The following EFCAB6 variants were observed in gnomAD, a reference collection of about 807,000 sequenced individuals.
The protein encoded by EFCAB6 is EF-hand calcium binding domain 6, also known as EF-hand calcium-binding domain-containing protein 6.
EFCAB6 carries 156 observed loss-of-function variants against 169.8 expected under a neutral mutation model. The ratio of observed to expected loss-of-function variants is 0.92; its 90% confidence interval spans 0.81 to 1.05. The LOEUF (loss-of-function observed/expected upper bound fraction) is 1.05, where lower values mean the gene tolerates loss of function less well. EFCAB6 is among the 50% of genes least tolerant of loss of function. The pLI, the probability that EFCAB6 is intolerant of heterozygous loss-of-function variation, is 0.00. For missense variants in EFCAB6, 1,800 were observed against 1,829.1 expected, an observed-to-expected ratio of 0.98 and a Z score of 0.29; for synonymous variants, 698 against 676.4, an observed-to-expected ratio of 1.03 and a Z score of -0.50.
At chr22:43,668,802 A>T in intron 16 of EFCAB6, 70 bp downstream of exon 16, 1 of 1,319,084 alleles carries the variant, frequency 7.6e-7, no homozygotes. Context: ...GTTGACAAAT[A>T]GTTACTAAAT....
At chr22:43,603,489 G>T (rs2052681049) in intron 22 of EFCAB6, among the ~76,000 whole-genome samples, 1 of 152,258 alleles carries the variant, frequency 6.6e-6, no homozygotes, top group African/African-American at 2.4e-5. Flanking sequence ...GACACAATCA[G>T]ATTACTCTAC....
intron 2 of EFCAB6, among the ~76,000 whole-genome samples, chr22:43,788,620 A>G (rs905885821): frequency 1.3e-5 from 2 of 152,338 alleles, no homozygotes; most frequent in African/African-American, 4.8e-5. Flanking sequence ...GAATTCTCAT[A>G]TTACTGGTGA....
chr22:43,732,512 G>A lies in EFCAB6; in HGVS notation c.645-701C>T, dbSNP rs546068307. On this transcript the variant is annotated intron_variant, in intron 7 of 31. Transcript: ENST00000262726. Reference sequence around the variant, plus strand: ...AGGCAGAATCTCGCTCTGTTGCCCAGGCTAGAGTGTGGTGCTGCAATCTCA... The same window carrying A: ...AGGCAGAATCTCGCTCTGTTGCCCAAGCTAGAGTGTGGTGCTGCAATCTCA... Among the ~76,000 whole-genome samples, 11 of 137,392 alleles carry A rather than the reference G, an allele frequency of 8.0e-5. No individual in the cohort carries two copies. The East Asian group carries it at 1.9e-3, about 24-fold the overall frequency. The allele number at this position is 137,392 out of a possible 152,430, so 90.1% of individuals were successfully genotyped here. A position where few individuals can be genotyped will look rare whatever the true frequency, so the allele number is the denominator to read the frequency against.
At position 43,628,115 on chromosome 22, in the gene EFCAB6, G is replaced by A. The variant is rs753359270; in HGVS notation, c.2233-1436C>T. On this transcript the variant is annotated intron_variant, in intron 19 of 31. Coordinates refer to ENST00000262726, the MANE Select transcript of EFCAB6 (RefSeq NM_022785.4). This position sits in a 1 kb window ranked among gnomAD's most constrained non-coding sequence, Gnocchi z 4.8. ...GACCCACAGCCTCACATCTCCAGTG[G>A]TCTGGGGGCATTTTCTCTGGGATGT... Among the ~76,000 whole-genome samples the A allele has an allele frequency of 6.6e-6, 1 of 151,920 alleles. No individual in the cohort carries two copies. Among genetic ancestry groups the A allele is most frequent in the Non-Finnish European group, 1.5e-5 (1 of 67,982 alleles).
chr22:43,736,827 A>T (rs928303825), intron 6 of EFCAB6, among the ~76,000 whole-genome samples: 2 of 151,934 alleles, frequency 1.3e-5, no homozygotes, highest in African/African-American at 4.8e-5. Flanking sequence ...CACACTCCAC[A>T]CCTTGTTATT....
intron 13 of EFCAB6, among the ~76,000 whole-genome samples, chr22:43,677,007 T>C (rs1603163450): frequency 6.6e-6 from 1 of 152,188 alleles, no homozygotes; most frequent in African/African-American, 2.4e-5. Flanking sequence ...TTTTGATTCA[T>C]AGGGATGCCA....
Position 43,684,390 on chromosome 22 carries a change from G to A in EFCAB6, c.1143-535C>T, listed in dbSNP as rs561647528. On this transcript the variant is annotated intron_variant, in intron 11 of 31. Transcript: ENST00000262726. ...TCTTTCATCCCTGAGCTCGGGGCCC[G>A]TCAGTGTACATGTGTGCTCCTGAAG... Among the ~76,000 whole-genome samples the A allele has an allele frequency of 9.9e-5, 15 of 152,112 alleles. 2 individuals are homozygous for A. The highest frequency in any genetic ancestry group is 6.5e-4 in the Admixed American group (10 of 15,280).
intron 10 of EFCAB6, among the ~76,000 whole-genome samples, chr22:43,704,079 C>G (rs925161939): frequency 6.6e-6 from 1 of 151,858 alleles, no homozygotes; most frequent in African/African-American, 2.4e-5. Context: ...AATAATCAAA[C>G]TATCAAAAAT....
intron 1 of EFCAB6, among the ~76,000 whole-genome samples, 167 bp from the exon 2 acceptor site, chr22:43,809,298 T>C (rs2063024597): frequency 6.6e-6 from 1 of 152,256 alleles, no homozygotes; most frequent in East Asian, 1.9e-4. Context: ...CCCAACTTTA[T>C]TAACCGTTAT....
At chr22:43,593,642 A>C (rs2051741150) in intron 23 of EFCAB6, among the ~76,000 whole-genome samples, 1 of 152,198 alleles carries the variant, frequency 6.6e-6, no homozygotes, top group Non-Finnish European at 1.5e-5. Flanking sequence ...GTGTGTTCGA[A>C]CTGCTCTTCT....
At chr22:43,738,309 GTCAC>G (rs1345364525) in intron 6 of EFCAB6, among the ~76,000 whole-genome samples, 4 of 137,202 alleles carry the variant, frequency 2.9e-5, no homozygotes, top group Non-Finnish European at 6.3e-5. Flanking sequence ...CACTCACACC[GTCAC>G]TCACACATAT....
At chr22:43,710,933 TAACA>T (rs1263668063) in intron 10 of EFCAB6, among the ~76,000 whole-genome samples, 1 of 152,122 alleles carries the variant, frequency 6.6e-6, no homozygotes, top group Non-Finnish European at 1.5e-5. Flanking sequence ...AAAGCCCCCA[TAACA>T]AACAATCCAG....
chr22:43,783,247 G>A (rs9614183), intron 2 of EFCAB6, among the ~76,000 whole-genome samples: 34,198 of 151,844 alleles, frequency 0.23, 5,031 homozygotes, highest in East Asian at 0.61. Flanking sequence ...TGGATAACGG[G>A]GCAAATAATA....
chr22:43,575,358 G>GT lies in EFCAB6; in HGVS notation c.3420+938dup, dbSNP rs34543550. On this transcript the variant is annotated intron_variant, in intron 26 of 31. Transcript: ENST00000262726. The stretch of plus-strand genomic sequence containing the variant: ...GGCACCAGCCACCACATCCGGCTAT[G>GT]TTTTTTTTTTTTTTTTTTTTTGTAT... Among the ~76,000 whole-genome samples, 265 of 104,804 alleles carry GT rather than the reference G, an allele frequency of 2.5e-3. 3 individuals carry two copies. The highest frequency in any genetic ancestry group is 5.4e-3 in the Middle Eastern group (1 of 186). 68.8% of individuals were successfully genotyped at this position (104,804 alleles called of 152,430 possible).
chr22:43,599,575 G>A (rs752954490), intron 23 of EFCAB6, among the ~76,000 whole-genome samples: 68 of 136,488 alleles, frequency 5.0e-4, no homozygotes, highest in Non-Finnish European at 9.0e-4. Flanking sequence ...ACACCTTCCC[G>A]TTGCTCAGCT....
chr22:43,577,995 T>A (rs5764512), intron 25 of EFCAB6, among the ~76,000 whole-genome samples: 112,773 of 152,066 alleles, frequency 0.74, 41,928 homozygotes, highest in Admixed American at 0.81. Context: ...TCAAAAGTCA[T>A]GACACTAACT....
In EFCAB6 at chr22:43,750,890, T is replaced by C. The variant is rs534487236; in HGVS notation, c.507+4876A>G. 5.3e-5 allele frequency among the ~76,000 whole-genome samples: 8 copies of C among 152,328 alleles called. No individual in the cohort carries two copies. In the East Asian group the frequency reaches 1.3e-3, roughly 26 times the overall value. ...CCAGCAGCTCAGCAATTATAATTAT[T>C]TACTAATTACTTCTGAAATGACTAT... is the stretch of plus-strand genomic sequence containing the variant. On this transcript the variant is annotated intron_variant, in intron 6 of 31. Coordinates refer to ENST00000262726, the MANE Select transcript of EFCAB6 (RefSeq NM_022785.4).
At chr22:43,747,079 G>A (rs773908796) in intron 6 of EFCAB6, among the ~76,000 whole-genome samples, 3 of 152,226 alleles carry the variant, frequency 2.0e-5, no homozygotes, top group South Asian at 4.1e-4. Context: ...TCCCAGGCTG[G>A]GCCAATGCTG....
At chr22:43,769,523 G>T (rs1299775147) in intron 4 of EFCAB6, among the ~76,000 whole-genome samples, 2 of 152,064 alleles carry the variant, frequency 1.3e-5, no homozygotes, top group East Asian at 3.9e-4. Context: ...TAAAAATGTA[G>T]ACAGCAATAA....
Sources: gnomAD v4.1 joint callset for allele counts (sites outside exome capture counted in the v4.1 genomes callset) on GRCh38, gnomAD v4.1.1 for gene constraint, Gnocchi (gnomAD v3.1) non-coding constraint, MANE v1.5 for transcripts, NCBI Gene and HGNC (gene_info 2026-07-23, HGNC 2026-07-21) for gene names.